Variants in NKAIN3 observed in about 807,000 individuals in gnomAD.
NKAIN3 encodes the protein sodium/potassium-transporting ATPase subunit beta-1-interacting protein 3.
NKAIN3 carries 25 observed loss-of-function variants against 30.2 expected under a neutral mutation model. The ratio of observed to expected loss-of-function variants is 0.83; its 90% CI spans 0.60 to 1.16. NKAIN3 has a LOEUF of 1.16. Ranked by LOEUF, NKAIN3 falls within the 50% of genes most tolerant of loss-of-function variation. The pLI is 0.00. For synonymous variants in NKAIN3, 91 were observed against 89.6 expected, an observed-to-expected ratio of 1.02 and a Z score of -0.09; for missense variants, 225 against 254.1, an observed-to-expected ratio of 0.89 and a Z score of 0.78.
intron 1 of NKAIN3, chr8:62,474,207 A>G (rs2129600187): frequency 6.6e-6 from 1 of 152,322 alleles, no homozygotes; most frequent in South Asian, 2.1e-4. Flanking sequence ...GCAGACATAG[A>G]AACAAAAAAT....
At chr8:62,587,643 G>GACACTAAA (rs1262782229) in intron 2 of NKAIN3, among the ~76,000 whole-genome samples, 3 of 151,934 alleles carry the variant, frequency 2.0e-5, no homozygotes, top group Non-Finnish European at 4.4e-5. Context: ...TCCTAACTCT[G>GACACTAAA]ACACTAAATA....
chr8:62,585,811 T>A (rs1810453537), intron 2 of NKAIN3, among the ~76,000 whole-genome samples: 1 of 152,192 alleles, frequency 6.6e-6, no homozygotes, highest in South Asian at 2.1e-4. Flanking sequence ...TATGAAGCAG[T>A]GAAATCATAT....
At chr8:62,693,559 T>G (rs2130448807) in intron 3 of NKAIN3, among the ~76,000 whole-genome samples, 1 of 152,360 alleles carries the variant, frequency 6.6e-6, no homozygotes, top group East Asian at 1.9e-4. Context: ...CAATGAACAC[T>G]GAAATTTCAT....
chr8:62,631,635 C>T (rs901673107), intron 3 of NKAIN3, among the ~76,000 whole-genome samples: 2 of 152,146 alleles, frequency 1.3e-5, no homozygotes, highest in African/African-American at 4.8e-5. Context: ...ATGTATTTGT[C>T]ACTCCATCTG....
At chr8:62,760,843 G>A (rs1043394864) in intron 4 of NKAIN3, among the ~76,000 whole-genome samples, 2 of 152,078 alleles carry the variant, frequency 1.3e-5, no homozygotes, top group African/African-American at 4.8e-5. Flanking sequence ...TTAAAAAATA[G>A]TTTAATTTTA....
At chr8:62,533,880 C>A (rs1259244248) in intron 1 of NKAIN3, among the ~76,000 whole-genome samples, 2 of 152,130 alleles carry the variant, frequency 1.3e-5, no homozygotes, top group Non-Finnish European at 1.5e-5. Context: ...TCTGCAATAT[C>A]ATCCAGACTT....
chr8:62,816,776 C>T (rs1333967334), intron 4 of NKAIN3, among the ~76,000 whole-genome samples: 19 of 152,192 alleles, frequency 1.2e-4, no homozygotes, highest in Admixed American at 2.6e-4. Context: ...ATGAGCCCCA[C>T]GGCAGGATGC....
chr8:62,324,921 C>T (rs1052853298), intron 1 of NKAIN3, among the ~76,000 whole-genome samples: 2 of 151,880 alleles, frequency 1.3e-5, no homozygotes, highest in African/African-American at 4.8e-5. Context: ...AAGAAAGATG[C>T]AATATAAAGA....
At chr8:62,922,209 G>C (rs373327932) in intron 5 of NKAIN3, among the ~76,000 whole-genome samples, 2 of 152,090 alleles carry the variant, frequency 1.3e-5, no homozygotes, top group Non-Finnish European at 2.9e-5. Flanking sequence ...GGAAGGAAGC[G>C]TAACTATCGG....
At chr8:62,705,911 C>T (rs1046255198) in intron 3 of NKAIN3, among the ~76,000 whole-genome samples, 1 of 151,870 alleles carries the variant, frequency 6.6e-6, no homozygotes, top group Non-Finnish European at 1.5e-5. Context: ...ATGGCAGGAG[C>T]CTTTCCACAG....
intron 5 of NKAIN3, among the ~76,000 whole-genome samples, chr8:62,992,424 A>T (rs1045524916): frequency 7.3e-5 from 11 of 151,528 alleles, no homozygotes; most frequent in Non-Finnish European, 1.5e-4. Context: ...CTATTCATTT[A>T]CTCCATATTT....
At chr8:62,836,242 T>C (rs1278892730) in intron 4 of NKAIN3, among the ~76,000 whole-genome samples, 3 of 152,094 alleles carry the variant, frequency 2.0e-5, no homozygotes, top group Non-Finnish European at 4.4e-5. Flanking sequence ...ACCTGGGTTA[T>C]GAGATCATTC....
At chr8:62,694,449 T>G (rs1047091046) in intron 3 of NKAIN3, among the ~76,000 whole-genome samples, 2 of 152,180 alleles carry the variant, frequency 1.3e-5, no homozygotes, top group African/African-American at 2.4e-5. Context: ...AAATAAGCCA[T>G]TCATAGAAGA....
chr8:62,900,383 A>C (rs1262489269), intron 4 of NKAIN3, among the ~76,000 whole-genome samples: 1 of 152,222 alleles, frequency 6.6e-6, no homozygotes, highest in Non-Finnish European at 1.5e-5. Flanking sequence ...CCTGGGGATT[A>C]CAGTATAAAA....
chr8:62,860,078 C>T (rs953219616), intron 4 of NKAIN3, among the ~76,000 whole-genome samples: 1 of 152,132 alleles, frequency 6.6e-6, no homozygotes, highest in South Asian at 2.1e-4. Context: ...AGCCTTTAAG[C>T]TTGGATAGGT....
chr8:62,351,640 C>A (rs899347439), intron 1 of NKAIN3, among the ~76,000 whole-genome samples: 1 of 151,830 alleles, frequency 6.6e-6, no homozygotes, highest in Non-Finnish European at 1.5e-5. Context: ...ATTATAACTT[C>A]ACTACACCTC....
At chr8:62,834,857 G>A (rs1334016421) in intron 4 of NKAIN3, among the ~76,000 whole-genome samples, 1 of 151,714 alleles carries the variant, frequency 6.6e-6, no homozygotes. Flanking sequence ...TAGAGTAGTT[G>A]GCTTTAATAG....
chr8:62,879,104 T>C (rs949672766), intron 4 of NKAIN3, among the ~76,000 whole-genome samples: 20 of 152,216 alleles, frequency 1.3e-4, no homozygotes, highest in Non-Finnish European at 2.2e-4. Context: ...TCCACAACGG[T>C]TGAACTAGTT....
At chr8:62,249,557 T>TGGGAATGCC (rs1812022394) in intron 1 of NKAIN3, among the ~76,000 whole-genome samples, 2 of 152,362 alleles carry the variant, frequency 1.3e-5, no homozygotes, top group Middle Eastern at 3.4e-3. Flanking sequence ...TTACACTGTG[T>TGGGAATGCC]GGGAATGCCC....
Sources: allele counts gnomAD v4.1 joint callset (sites outside exome capture counted in the v4.1 genomes callset), GRCh38; gene constraint gnomAD v4.1.1; transcripts MANE v1.5; gene names NCBI Gene and HGNC (gene_info 2026-07-23, HGNC 2026-07-21).